CFHR3: variants seen among roughly 807,000 people sequenced by gnomAD.
CFHR3 encodes complement factor H related 3, also known as complement factor H-related protein 3.
Under a neutral mutation model 36.0 loss-of-function variants are expected in CFHR3, and 22 were observed. That is an observed-to-expected ratio of 0.61 (90% CI 0.44 to 0.87). The LOEUF is 0.87. Ranked by LOEUF, CFHR3 falls within the 40% of genes least tolerant of loss-of-function variation. The pLI, the probability that CFHR3 is intolerant of heterozygous loss-of-function variation, is 0.00. For synonymous variants in CFHR3, 97 were observed against 137.4 expected (o/e 0.71, Z 2.06); for missense variants, 276 against 401.3 (o/e 0.69, Z 2.67).
chr1:196,779,403 T>C (rs1653855421), intron 2 of CFHR3, 47 bp downstream of exon 2: 1 of 1,292,070 alleles, frequency 7.7e-7, no homozygotes, highest in Non-Finnish European at 1.1e-6. Flanking sequence ...CTTTAAAAGA[T>C]TAAAGAGAGG....
chr1:196,789,953 A>G, intron 4 of CFHR3, 92 bp from the exon 5 acceptor site: 1 of 1,225,330 alleles, frequency 8.2e-7, no homozygotes, highest in Non-Finnish European at 1.1e-6. Context: ...GAAATCAAAT[A>G]AGATACAGTT....
intron 4 of CFHR3, chr1:196,789,524 T>TTA (rs1654340103): frequency 1.0e-6 from 1 of 959,478 alleles, no homozygotes; most frequent in East Asian, 4.1e-5. Flanking sequence ...TTTATAGAAC[T>TTA]TATATCCAAT....
chr1:196,782,485 G>A (rs1230084878), intron 3 of CFHR3, among the ~76,000 whole-genome samples: 1 of 136,580 alleles, frequency 7.3e-6, no homozygotes, highest in South Asian at 2.5e-4. Flanking sequence ...TCCTTGAGCA[G>A]TGGTTTGTGG....
chr1:196,782,346 A>T lies in CFHR3; in HGVS notation c.430+2373A>T, dbSNP rs1292103399. Among the ~76,000 whole-genome samples, 3 of 137,220 alleles carry T rather than the reference A, an allele frequency of 2.2e-5. 1 individual carries two copies. The highest frequency in any genetic ancestry group is 4.6e-5 in the Non-Finnish European group (3 of 64,598). 90.0% of individuals were successfully genotyped at this position (137,220 alleles called of 152,430 possible). A position where few individuals can be genotyped will look rare whatever the true frequency, so the allele number is the denominator to read the frequency against. On this transcript the variant is annotated intron_variant, in intron 3 of 5. Transcript: ENST00000367425. ...TTTTTCCACTTTGGTGAAGAAAGTC[A>T]TTGGTAGCTTGATGGGGATGGCATT...
intron 3 of CFHR3, among the ~76,000 whole-genome samples, chr1:196,786,148 A>G (rs1654189376): frequency 7.3e-6 from 1 of 136,084 alleles, no homozygotes; most frequent in African/African-American, 3.1e-5. Flanking sequence ...CTGCTGTATG[A>G]TGGTTCCTCT....
Position 196,793,784 on chromosome 1 carries a change from C to T in CFHR3, c.*271C>T, listed in dbSNP as rs1165934695. On this transcript the variant is annotated 3_prime_UTR_variant, in exon 6 of 6. Transcript: ENST00000367425. ...ATGAATTAGTAAGTATAGAGACAGA[C>T]AGCTGAATGGCTTTCTGCATATTGT... 5 of 294,524 alleles carry T rather than the reference C, an allele frequency of 1.7e-5. No individual in the cohort carries two copies. The highest frequency in any genetic ancestry group is 3.1e-5 in the Non-Finnish European group (5 of 161,656). The allele number at this position is 294,524 out of a possible 1,614,324, so 18.2% of individuals were successfully genotyped here.
chr1:196,777,164 G>A lies in CFHR3; in HGVS notation c.59-1998G>A, dbSNP rs1653755244. 1.5e-5 allele frequency among the ~76,000 whole-genome samples: 2 copies of A among 136,484 alleles called. 1 individual carries two copies. Among genetic ancestry groups the A allele is most frequent in the Admixed American group, 1.4e-4 (2 of 14,186 alleles). The allele number at this position is 136,484 out of a possible 152,430, so 89.5% of individuals were successfully genotyped here. A position where few individuals can be genotyped will look rare whatever the true frequency, so the allele number is the denominator to read the frequency against. ...GAAAGATAAACTTGACAGAAAATTT[G>A]TAATTGCAACCTATTATAATGTTCA... On this transcript the variant is annotated intron_variant, in intron 1 of 5. Coordinates refer to ENST00000367425, the MANE Select transcript of CFHR3 (RefSeq NM_021023.6).
chr1:196,783,036 C>T (rs1490046893), intron 3 of CFHR3, among the ~76,000 whole-genome samples: 2 of 136,640 alleles, frequency 1.5e-5, no homozygotes, highest in Non-Finnish European at 3.1e-5. Context: ...TTGTCAAAGG[C>T]CTTTTCTGCA....
rs1477911355 is a variant in CFHR3 at position 196,776,885 on chromosome 1, G to A, written c.58+1941G>A. Reference sequence around the variant, plus strand: ...CACAGATTTTAGAGGGTATTCATCAGAATTGGGTAATTATATCTTGGGTGT... The same window carrying A: ...CACAGATTTTAGAGGGTATTCATCAAAATTGGGTAATTATATCTTGGGTGT... On this transcript the variant is annotated intron_variant, in intron 1 of 5. Transcript: ENST00000367425. 2.2e-5 allele frequency among the ~76,000 whole-genome samples: 3 copies of A among 135,672 alleles called. 1 individual carries two copies. Among genetic ancestry groups the A allele is most frequent in the Non-Finnish European group, 4.7e-5 (3 of 64,282 alleles). The allele number at this position is 135,672 out of a possible 152,430, so 89.0% of individuals were successfully genotyped here.
At chr1:196,790,476 C>T (rs1469691226) in intron 5 of CFHR3, among the ~76,000 whole-genome samples, 1 of 134,670 alleles carries the variant, frequency 7.4e-6, no homozygotes, top group Non-Finnish European at 1.6e-5. Flanking sequence ...CCTGTAGTCC[C>T]AGCACTTTGG....
intron 3 of CFHR3, among the ~76,000 whole-genome samples, chr1:196,786,609 A>T (rs1181648958): frequency 7.3e-6 from 1 of 136,538 alleles, no homozygotes; most frequent in Non-Finnish European, 1.5e-5. Context: ...CCTCTGAGCC[A>T]GGTGAGCGAT....
At chr1:196,775,968 A>G (rs560498037) in intron 1 of CFHR3, among the ~76,000 whole-genome samples, 1 of 131,030 alleles carries the variant, frequency 7.6e-6, no homozygotes, top group Admixed American at 7.5e-5. Context: ...ATGATTTGCT[A>G]GTTTTATTTG....
intron 3 of CFHR3, among the ~76,000 whole-genome samples, chr1:196,781,117 C>A (rs1455310505): frequency 7.4e-6 from 1 of 134,540 alleles, no homozygotes; most frequent in Non-Finnish European, 1.6e-5. Context: ...CATGTCCCTA[C>A]AAAGAACATG....
chr1:196,776,391 C>G lies in CFHR3; in HGVS notation c.58+1447C>G, dbSNP rs542977777. Among the ~76,000 whole-genome samples, 6 of 137,532 alleles carry G rather than the reference C, an allele frequency of 4.4e-5. 2 individuals are homozygous for G. The highest frequency in any genetic ancestry group is 7.7e-5 in the Non-Finnish European group (5 of 64,576). 90.2% of individuals were successfully genotyped at this position (137,532 alleles called of 152,430 possible). On this transcript the variant is annotated intron_variant, in intron 1 of 5. Coordinates refer to ENST00000367425, the MANE Select transcript of CFHR3 (RefSeq NM_021023.6). ...GTAGAGAGAAACATCTTTGTGAATT[C>G]AGTAGCATTGGCTCAACTGCATCCC...
Position 196,783,963 on chromosome 1 carries a change from C to G in CFHR3, c.430+3990C>G, listed in dbSNP as rs1176485115. 3.7e-5 allele frequency among the ~76,000 whole-genome samples: 5 copies of G among 135,468 alleles called. 2 individuals carry two copies. The highest frequency in any genetic ancestry group is 1.6e-4 in the African/African-American group (5 of 32,048). 88.9% of individuals were successfully genotyped at this position (135,468 alleles called of 152,430 possible). A position where few individuals can be genotyped will look rare whatever the true frequency, so the allele number is the denominator to read the frequency against. On this transcript the variant is annotated intron_variant, in intron 3 of 5. Transcript: ENST00000367425. ...TTAGTGCTATAAATTTCCCTCTACA[C>G]ACTGCTTTGAATGTGTCCCATAGAT...
Position 196,794,012 on chromosome 1 carries a change from C to G in CFHR3, c.*499C>G, listed in dbSNP as rs12065867. ...TGTTTCCTGGCAAACACTGACATTA[C>G]ATCATTATCATGATTTAAAGGAAAT... On this transcript the variant is annotated 3_prime_UTR_variant, in exon 6 of 6. Coordinates refer to ENST00000367425, the MANE Select transcript of CFHR3 (RefSeq NM_021023.6). 1.0e-3 allele frequency: 148 copies of G among 144,264 alleles called. 41 individuals carry two copies. The highest frequency in any genetic ancestry group is 4.3e-3 in the African/African-American group (140 of 32,800). 8.9% of individuals were successfully genotyped at this position (144,264 alleles called of 1,614,324 possible).
In CFHR3 at chr1:196,789,091, AT is replaced by A. The variant is rs1336028891; in HGVS notation, c.613+701del. 16 of 1,088,804 alleles carry A rather than the reference AT, an allele frequency of 1.5e-5. 3 individuals carry two copies. The African/African-American group carries it at 2.7e-4, about 19-fold the overall frequency. The allele number at this position is 1,088,804 out of a possible 1,614,324, so 67.4% of individuals were successfully genotyped here. ...GGAAATCTTTCAGTGGCAAAAGTTGATTTTTTTTCTTTCCTCTTTATATATT... is the reference window on the plus strand; with the variant it reads ...GGAAATCTTTCAGTGGCAAAAGTTGATTTTTTTCTTTCCTCTTTATATATT... On this transcript the variant is annotated intron_variant, in intron 4 of 5. Coordinates refer to ENST00000367425, the MANE Select transcript of CFHR3 (RefSeq NM_021023.6).
At chr1:196,783,719 A>T (rs1654066491) in intron 3 of CFHR3, among the ~76,000 whole-genome samples, 1 of 135,296 alleles carries the variant, frequency 7.4e-6, no homozygotes, top group Non-Finnish European at 1.6e-5. Flanking sequence ...TCTTGCTAGC[A>T]GTCTATCGAT....
In CFHR3 at chr1:196,785,624, G is replaced by A. The variant is rs554414960; in HGVS notation, c.431-2592G>A. Among the ~76,000 whole-genome samples the A allele has an allele frequency of 4.0e-4, 55 of 136,562 alleles. 10 individuals carry two copies. Among genetic ancestry groups the A allele is most frequent in the Non-Finnish European group, 2.0e-4 (13 of 64,496 alleles). 89.6% of individuals were successfully genotyped at this position (136,562 alleles called of 152,430 possible). A position where few individuals can be genotyped will look rare whatever the true frequency, so the allele number is the denominator to read the frequency against. On this transcript the variant is annotated intron_variant, in intron 3 of 5. Transcript: ENST00000367425. ...CTCCTGAGGCTTCTGTATTCTTCACGTAGTTCTCGAGCCTTGGCTTTCAGC... is the reference window on the plus strand; with the variant it reads ...CTCCTGAGGCTTCTGTATTCTTCACATAGTTCTCGAGCCTTGGCTTTCAGC...
Sources: allele counts gnomAD v4.1 joint callset (sites outside exome capture counted in the v4.1 genomes callset), GRCh38; gene constraint gnomAD v4.1.1; transcripts MANE v1.5; gene names NCBI Gene and HGNC (gene_info 2026-07-23, HGNC 2026-07-21).